The following PRRC2B variants were observed in gnomAD, a reference collection of about 807,000 sequenced individuals.
The protein encoded by PRRC2B is proline rich coiled-coil 2B.
Under a neutral mutation model 242.3 loss-of-function variants are expected in PRRC2B, and 68 were observed. That is an observed-to-expected ratio of 0.28 (90% CI 0.23 to 0.34). The LOEUF (loss-of-function observed/expected upper bound fraction) is 0.34, where lower values mean the gene tolerates loss of function less well. PRRC2B is among the 10% of genes least tolerant of loss of function. PRRC2B has a pLI of 1.00. For missense variants in PRRC2B, 2,835 were observed against 2,954.8 expected (o/e 0.96, Z 0.94); for synonymous variants, 1,228 against 1,173.6 (o/e 1.05, Z -0.95).
chr9:131,442,333 A>C (rs1202421862), intron 5 of PRRC2B, among the ~76,000 whole-genome samples: 1 of 149,486 alleles, frequency 6.7e-6, no homozygotes, highest in African/African-American at 2.4e-5. Flanking sequence ...GGGTTTCATC[A>C]TGTTGTCCAG....
chr9:131,435,223 G>A (rs563125632), intron 3 of PRRC2B, among the ~76,000 whole-genome samples: 193 of 151,954 alleles, frequency 1.3e-3, no homozygotes, highest in African/African-American at 4.5e-3. Flanking sequence ...GCTTGAACCC[G>A]GGAGGCAGAG....
At chr9:131,378,571 A>G (rs1394573721) in intron 1 of PRRC2B, among the ~76,000 whole-genome samples, 1 of 152,176 alleles carries the variant, frequency 6.6e-6, no homozygotes, top group Non-Finnish European at 1.5e-5. Context: ...CCAAGCGCTC[A>G]GCCTCCATCC....
At chr9:131,417,412 G>A (rs553907379) in intron 1 of PRRC2B, among the ~76,000 whole-genome samples, 2 of 152,170 alleles carry the variant, frequency 1.3e-5, no homozygotes, top group Admixed American at 6.6e-5. Flanking sequence ...GGAAGGGGCC[G>A]TAGGTGTCTA....
At chr9:131,413,852 A>G (rs374235169) in intron 1 of PRRC2B, among the ~76,000 whole-genome samples, 108 of 151,950 alleles carry the variant, frequency 7.1e-4, no homozygotes, top group Middle Eastern at 3.4e-3. Flanking sequence ...TTGTATTTTT[A>G]GTAGAGATGG....
In PRRC2B at chr9:131,464,798, C is replaced by T. The variant is rs951001355; in HGVS notation, c.1440C>T (p.Ser480=). ...TGGGCAGCATGTTCCGGCAACAGTC[C>T]ATCGAGGACAAGGAGGACAAGCCCC... is the stretch of plus-strand genomic sequence containing the variant. ...SSMGSMFRQQ[S]IEDKEDKPPP... is the part of the protein sequence containing the mutation. The change falls in exon 12 of 32, where the codon TCC becomes TCT. Residue 480 remains serine (S), a synonymous_variant. Transcript: ENST00000683519. The T allele has an allele frequency of 3.7e-6, 6 of 1,607,374 alleles. No homozygotes were observed. Among genetic ancestry groups the T allele is most frequent in the African/African-American group, 1.3e-5 (1 of 74,730 alleles).
rs1273774244 is a variant in PRRC2B, at chr9:131,494,949, C to T, written c.6555+463C>T. Among the ~76,000 whole-genome samples the T allele has an allele frequency of 3.3e-5, 5 of 152,182 alleles. No individual in the cohort carries two copies. The highest frequency in any genetic ancestry group is 2.1e-4 in the South Asian group (1 of 4,832). ...GGACATCGCAGTGTCTTTTCCTGCA[C>T]GCACTATTCTCTTCTCTATTCTCTA... On this transcript the variant is annotated intron_variant, in intron 31 of 31. Coordinates refer to ENST00000683519, the MANE Select transcript of PRRC2B (RefSeq NM_013318.4). This position sits in a 1 kb window ranked among gnomAD's most constrained non-coding sequence, Gnocchi z 4.3.
rs1318581112 is a variant in PRRC2B, at chr9:131,446,813, C to G, written c.855+171C>G. ...TCCCTGCTTTTTAAATCTTCAGGGC[C>G]TCTGACTTCTTTCCCTGGTGATGTG... On this transcript the variant is annotated intron_variant, in intron 7 of 31. Coordinates refer to ENST00000683519, the MANE Select transcript of PRRC2B (RefSeq NM_013318.4). The surrounding 1 kb of genome is among the most constrained non-coding windows in gnomAD (Gnocchi z 4.1). Among the ~76,000 whole-genome samples the G allele has an allele frequency of 2.6e-5, 4 of 152,168 alleles. No homozygotes were observed. The highest frequency in any genetic ancestry group is 1.3e-4 in the Admixed American group (2 of 15,280).
intron 1 of PRRC2B, among the ~76,000 whole-genome samples, chr9:131,374,391 TTA>T (rs959756613): frequency 2.6e-5 from 4 of 152,144 alleles, no homozygotes; most frequent in African/African-American, 4.8e-5. Context: ...CGCCTTCTGT[TTA>T]TGTTTATCTG....
At chr9:131,464,647 C>T in intron 11 of PRRC2B, 116 bp from the exon 12 acceptor site, 1 of 909,786 alleles carries the variant, frequency 1.1e-6, no homozygotes, top group Non-Finnish European at 1.6e-6. Flanking sequence ...CACGCCTGTG[C>T]TGCCTCTTGA....
intron 13 of PRRC2B, 93 bp from the exon 14 acceptor site, chr9:131,470,695 C>T: frequency 9.6e-7 from 1 of 1,040,446 alleles, no homozygotes; most frequent in South Asian, 1.5e-5. Flanking sequence ...GCTTTCTGTG[C>T]TGCCAGCTGG....
chr9:131,416,038 C>T (rs1316409721), intron 1 of PRRC2B, among the ~76,000 whole-genome samples: 8 of 151,876 alleles, frequency 5.3e-5, no homozygotes, highest in Non-Finnish European at 1.0e-4. Flanking sequence ...TAGGATGTGA[C>T]TAGCATTATC....
Position 131,446,769 on chromosome 9 carries a change from A to C in PRRC2B, c.855+127A>C. 9.0e-7 allele frequency: 1 copy of C among 1,110,468 alleles called. No individual in the cohort carries two copies. The highest frequency in any genetic ancestry group is 1.3e-6 in the Non-Finnish European group (1 of 786,998). 68.8% of individuals were successfully genotyped at this position (1,110,468 alleles called of 1,614,324 possible). Reference sequence around the variant, plus strand: ...CTGTTACCCTACTTCTGAGGCTTCCACTCGTTTTGCATTTTCTCTCCCTGC... The same window carrying C: ...CTGTTACCCTACTTCTGAGGCTTCCCCTCGTTTTGCATTTTCTCTCCCTGC... On this transcript the variant is annotated intron_variant, in intron 7 of 31. Transcript: ENST00000683519. This position sits in a 1 kb window ranked among gnomAD's most constrained non-coding sequence, Gnocchi z 4.1.
chr9:131,440,331 G>C (rs1487254564), intron 5 of PRRC2B, among the ~76,000 whole-genome samples: 1 of 151,916 alleles, frequency 6.6e-6, no homozygotes, highest in African/African-American at 2.4e-5. Flanking sequence ...TTTTTTTTGA[G>C]ACAGAGTCTT....
chr9:131,381,885 A>C (rs1207261940), intron 1 of PRRC2B, among the ~76,000 whole-genome samples: 1 of 151,418 alleles, frequency 6.6e-6, no homozygotes, highest in Non-Finnish European at 1.5e-5. Context: ...GACTACGGGC[A>C]CGTACCACCA....
At chr9:131,426,660 C>T (rs1487209426) in intron 1 of PRRC2B, among the ~76,000 whole-genome samples, 1 of 152,156 alleles carries the variant, frequency 6.6e-6, no homozygotes, top group African/African-American at 2.4e-5. Flanking sequence ...CATTGGTGCC[C>T]TTTGCTCCAG....
Position 131,445,246 on chromosome 9 carries a change from C to T in PRRC2B, c.613+918C>T, listed in dbSNP as rs527361203. ...TGCGATCTCTGCTCACTGCAACCTC[C>T]GCCTCCCGGGTTCAAGTGATTCTCC... On this transcript the variant is annotated intron_variant, in intron 6 of 31. Transcript: ENST00000683519. 9.2e-5 allele frequency among the ~76,000 whole-genome samples: 14 copies of T among 152,148 alleles called. No homozygotes were observed. In the East Asian group the frequency reaches 2.3e-3, roughly 25 times the overall value.
intron 19 of PRRC2B, among the ~76,000 whole-genome samples, 193 bp from the exon 20 acceptor site, chr9:131,481,533 G>A (rs1943867110): frequency 6.6e-6 from 1 of 152,056 alleles, no homozygotes; most frequent in Admixed American, 6.5e-5. Context: ...AGTTGGGTAA[G>A]GCTGTCAGAC....
intron 3 of PRRC2B, 102 bp downstream of exon 3, chr9:131,432,896 C>G: frequency 8.4e-7 from 1 of 1,194,272 alleles, no homozygotes; most frequent in South Asian, 1.5e-5. Context: ...GCTACTGCAG[C>G]GCTAGTCTTG....
At position 131,446,534 on chromosome 9, in the gene PRRC2B, T is replaced by C. The variant is rs866170649; in HGVS notation, c.747T>C (p.Asp249=). The change falls in exon 7 of 32, where the codon GAT becomes GAC. Residue 249 remains aspartate (D), a synonymous_variant. Coordinates refer to ENST00000683519, the MANE Select transcript of PRRC2B (RefSeq NM_013318.4). The surrounding 1 kb of genome is among the most constrained non-coding windows in gnomAD (Gnocchi z 4.1). The stretch of plus-strand genomic sequence containing the variant: ...CCCCCTCCTCGGCATGTACCAGCGA[T>C]TCTAAGGACCCCTCTCTCCGCCCGG... The part of the protein sequence containing the change: ...DGAPSSACTS[D]SKDPSLRPAQ... 6.2e-7 allele frequency: 1 copy of C among 1,613,904 alleles called. No individual in the cohort carries two copies. Among genetic ancestry groups the C allele is most frequent in the Non-Finnish European group, 8.5e-7 (1 of 1,179,870 alleles).
Sources: gnomAD v4.1 joint callset for allele counts (sites outside exome capture counted in the v4.1 genomes callset) on GRCh38, gnomAD v4.1.1 for gene constraint, Gnocchi (gnomAD v3.1) non-coding constraint, MANE v1.5 for transcripts, NCBI Gene and HGNC (gene_info 2026-07-23, HGNC 2026-07-21) for gene names.